Variants in LRRC7 observed in about 807,000 individuals in gnomAD.
LRRC7 encodes leucine-rich repeat-containing protein 7.
Under a neutral mutation model 175.7 loss-of-function variants are expected in LRRC7, and 23 were observed. That is an observed-to-expected ratio of 0.13 (90% CI 0.09 to 0.19). LRRC7 has a LOEUF of 0.19. LRRC7 is among the 10% of genes least tolerant of loss of function. The pLI, the probability that LRRC7 is intolerant of heterozygous loss-of-function variation, is 1.00. For synonymous variants in LRRC7, 685 were observed against 680.9 expected (o/e 1.01, Z -0.09); for missense variants, 1,354 against 1,904.7 (o/e 0.71, Z 5.38).
chr1:69,689,535 A>G (rs951226452), intron 2 of LRRC7, among the ~76,000 whole-genome samples: 7 of 152,210 alleles, frequency 4.6e-5, no homozygotes, highest in Non-Finnish European at 7.3e-5. Context: ...TTCATGCTGC[A>G]ATATCAGAGA....
intron 1 of LRRC7, among the ~76,000 whole-genome samples, chr1:69,674,258 A>G (rs1231976814): frequency 1.3e-5 from 2 of 152,212 alleles, no homozygotes; most frequent in Admixed American, 6.5e-5. Context: ...TCATGAACTC[A>G]TGGAAATAAT....
intron 2 of LRRC7, among the ~76,000 whole-genome samples, chr1:69,704,160 T>C (rs570227925): frequency 2.0e-5 from 3 of 152,192 alleles, no homozygotes; most frequent in Non-Finnish European, 2.9e-5. Context: ...CTTTTTCTTT[T>C]CTTTTTTAAC....
At chr1:69,633,076 T>C (rs1652764852) in intron 1 of LRRC7, among the ~76,000 whole-genome samples, 1 of 151,992 alleles carries the variant, frequency 6.6e-6, no homozygotes, top group Admixed American at 6.6e-5. Context: ...GAGTAATATT[T>C]TTAAATCTTC....
chr1:69,718,122 A>G (rs1165278844), intron 2 of LRRC7, among the ~76,000 whole-genome samples: 1 of 56,358 alleles, frequency 1.8e-5, no homozygotes, highest in African/African-American at 9.4e-5. Flanking sequence ...AGAAAGAAAG[A>G]AAGAAAAGAA....
At chr1:69,581,635 A>G (rs1646205338) in intron 1 of LRRC7, among the ~76,000 whole-genome samples, 1 of 152,086 alleles carries the variant, frequency 6.6e-6, no homozygotes, top group Admixed American at 6.6e-5. Flanking sequence ...ACTTATTCCT[A>G]TATAAAATTA....
chr1:69,575,484 A>G (rs1359123280), intron 1 of LRRC7, among the ~76,000 whole-genome samples: 1 of 152,112 alleles, frequency 6.6e-6, no homozygotes, highest in Non-Finnish European at 1.5e-5. Context: ...CTTATCCTCC[A>G]CTTTGACTTG....
intron 8 of LRRC7, among the ~76,000 whole-genome samples, chr1:69,979,862 C>T (rs943551381): frequency 1.3e-5 from 2 of 151,436 alleles, no homozygotes; most frequent in African/African-American, 2.4e-5. Context: ...ATGGCAAAAC[C>T]GCAATTACGT....
chr1:69,854,777 G>A (rs1473943975), intron 7 of LRRC7, among the ~76,000 whole-genome samples: 1 of 152,018 alleles, frequency 6.6e-6, no homozygotes, highest in African/African-American at 2.4e-5. Flanking sequence ...TTAAAAATAT[G>A]CCAGCATTTT....
At chr1:69,869,622 A>G (rs1685308961) in intron 7 of LRRC7, among the ~76,000 whole-genome samples, 1 of 152,160 alleles carries the variant, frequency 6.6e-6, no homozygotes, top group South Asian at 2.1e-4. Flanking sequence ...TGATAAGAAC[A>G]ATATACTTAA....
chr1:69,986,929 A>G (rs2101898807), intron 10 of LRRC7, among the ~76,000 whole-genome samples: 1 of 152,248 alleles, frequency 6.6e-6, no homozygotes, highest in Admixed American at 6.5e-5. Flanking sequence ...TATAAAAAGC[A>G]CTCATACATT....
intron 25 of LRRC7, among the ~76,000 whole-genome samples, chr1:70,093,732 A>C (rs17131194): frequency 6.6e-6 from 1 of 152,186 alleles, no homozygotes; most frequent in Non-Finnish European, 1.5e-5. Flanking sequence ...CTAAGCAATT[A>C]TATAACTTGT....
At chr1:70,071,746 C>T (rs961227882) in intron 23 of LRRC7, among the ~76,000 whole-genome samples, 9 of 152,016 alleles carry the variant, frequency 5.9e-5, no homozygotes, top group African/African-American at 1.7e-4. Context: ...TCTTTTAAGG[C>T]GGTGTTTGAT....
chr1:70,044,109 C>T lies in LRRC7; in HGVS notation c.4110+15C>T. 1.2e-6 allele frequency: 2 copies of T among 1,609,068 alleles called. No homozygotes were observed. Among genetic ancestry groups the T allele is most frequent in the South Asian group, 2.2e-5 (2 of 90,774 alleles). ...CTCTTCAGAAAGTAAGTATGGACTG[C>T]CCTACATGTGTCAGCATACCAAAGC... On this transcript the variant is annotated intron_variant, in intron 22 of 26. Coordinates refer to ENST00000651989, the MANE Select transcript of LRRC7 (RefSeq NM_001370785.2).
chr1:69,697,777 A>C (rs1463325432), intron 2 of LRRC7, among the ~76,000 whole-genome samples: 1 of 152,154 alleles, frequency 6.6e-6, no homozygotes, highest in Non-Finnish European at 1.5e-5. Context: ...ACCAAAATCT[A>C]CTTTGTGTCT....
chr1:69,844,993 T>C (rs1037959620), intron 7 of LRRC7, among the ~76,000 whole-genome samples: 3 of 152,154 alleles, frequency 2.0e-5, no homozygotes, highest in Admixed American at 2.0e-4. Flanking sequence ...ATGAGGCCTA[T>C]AGTTCGAGCA....
intron 8 of LRRC7, among the ~76,000 whole-genome samples, chr1:69,941,473 G>A (rs764893148): frequency 6.6e-5 from 10 of 151,998 alleles, no homozygotes; most frequent in East Asian, 5.8e-4. Context: ...GGAAATATTA[G>A]CATGCTGGAT....
intron 2 of LRRC7, among the ~76,000 whole-genome samples, chr1:69,693,256 T>G (rs1010263987): frequency 6.6e-6 from 1 of 152,192 alleles, no homozygotes; most frequent in Non-Finnish European, 1.5e-5. Context: ...ATATCCCATA[T>G]AATATTTAGG....
chr1:69,650,576 G>C (rs1570167923), intron 1 of LRRC7, among the ~76,000 whole-genome samples: 1 of 135,154 alleles, frequency 7.4e-6, no homozygotes, highest in Admixed American at 7.6e-5. Flanking sequence ...TTTGGCATTT[G>C]TTACACAAGA....
intron 1 of LRRC7, among the ~76,000 whole-genome samples, chr1:69,628,160 A>G (rs1390864136): frequency 2.6e-5 from 4 of 152,178 alleles, no homozygotes; most frequent in African/African-American, 4.8e-5. Flanking sequence ...AGAAGGAAAT[A>G]AAAGGTATAT....
Sources: gnomAD v4.1 joint callset for allele counts (sites outside exome capture counted in the v4.1 genomes callset) on GRCh38, gnomAD v4.1.1 for gene constraint, MANE v1.5 for transcripts, NCBI Gene and HGNC (gene_info 2026-07-23, HGNC 2026-07-21) for gene names.